SEC16B: variants seen among roughly 807,000 people sequenced by gnomAD.
SEC16B encodes the protein protein transport protein Sec16B.
Under a neutral mutation model 141.8 loss-of-function variants are expected in SEC16B, and 115 were observed. The observed-to-expected ratio is 0.81, with a 90% confidence interval of 0.70 to 0.95. The LOEUF is 0.95. Among genes scored for constraint, SEC16B ranks in the 40% least tolerant of loss-of-function variants. The pLI is 0.00. For synonymous variants in SEC16B, 493 were observed against 492.5 expected (o/e 1.00, Z -0.01); for missense variants, 1,291 against 1,312.3 (o/e 0.98, Z 0.25).
At chr1:177,959,938 C>T (rs897339894) in intron 8 of SEC16B, 4 of 224,364 alleles carry the variant, frequency 1.8e-5, no homozygotes, top group Admixed American at 1.0e-4. Flanking sequence ...TGAACACTGC[C>T]GATCTTATTT....
chr1:177,975,155 C>T (rs186133803), upstream of SEC16B, among the ~76,000 whole-genome samples: 16 of 152,304 alleles, frequency 1.1e-4, no homozygotes, highest in Admixed American at 1.0e-3. Context: ...AGAACGTGTG[C>T]TCAGAGTAAC....
rs201327166 is a variant in SEC16B, at chr1:177,967,758, C to T, written c.224G>A (p.Arg75Lys). 7.4e-6 allele frequency: 12 copies of T among 1,613,994 alleles called. No individual in the cohort carries two copies. The African/African-American group carries it at 1.2e-4, about 16-fold the overall frequency. ...DHQQQPHYAS[R>K]PGDWHQPVSG... ...CACAGGCTGATGCCAGTCCCCTGGC[C>T]TGGATGCATAATGGGGCTGCTGCTG... Residue 75 changes from arginine (R) to lysine (K), a missense_variant, in exon 2 of 26, where the codon AGG becomes AAG. By Grantham distance (26) the Arg-to-Lys change is conservative (BLOSUM62 2). This residue lies in a region of SEC16B where 681 missense variants were observed against 675.5 expected (regional missense o/e 1.01). Transcript: ENST00000308284.
intron 21 of SEC16B, 35 bp downstream of exon 21, chr1:177,933,449 A>C: frequency 6.2e-7 from 1 of 1,603,066 alleles, no homozygotes; most frequent in Non-Finnish European, 8.5e-7. Flanking sequence ...TGGCAGGGGA[A>C]GGAAGGCAGG....
At position 177,937,235 on chromosome 1, in the gene SEC16B, G is replaced by A; in HGVS notation, c.2482C>T (p.Leu828=). Residue 828 remains leucine, a synonymous_variant, in exon 19 of 26, where the codon CTG becomes TTG. Coordinates refer to ENST00000308284, the MANE Select transcript of SEC16B (RefSeq NM_033127.4). ...ATGGTVWEEM[L]QTHLGPGENT... The stretch of plus-strand genomic sequence containing the variant: ...TTACCAGGGCCCAGGTGTGTCTGCA[G>A]CATTTCCTCCCAGACTGTTCCTCCA... 1 of 1,613,136 alleles carries A rather than the reference G, an allele frequency of 6.2e-7. No homozygotes were observed. The highest frequency in any genetic ancestry group is 8.5e-7 in the Non-Finnish European group (1 of 1,179,562).
intron 1 of SEC16B, among the ~76,000 whole-genome samples, chr1:177,976,439 T>G (rs1408420168): frequency 6.6e-6 from 1 of 152,186 alleles, no homozygotes; most frequent in Non-Finnish European, 1.5e-5. Flanking sequence ...ATTCTTGGAA[T>G]GTTCTCTCAG....
chr1:177,929,567 C>T lies in SEC16B; in HGVS notation c.*291G>A. On this transcript the variant is annotated 3_prime_UTR_variant, in exon 26 of 26. Coordinates refer to ENST00000308284, the MANE Select transcript of SEC16B (RefSeq NM_033127.4). ...TAATTTCCCCAAGGCTCTCAAGCCACCACCATAAGTGCCACCACCATGTCA... is the reference window on the plus strand; with the variant it reads ...TAATTTCCCCAAGGCTCTCAAGCCATCACCATAAGTGCCACCACCATGTCA... 2.6e-6 allele frequency: 1 copy of T among 388,756 alleles called. No individual in the cohort carries two copies. Among genetic ancestry groups the T allele is most frequent in the East Asian group, 4.8e-5 (1 of 21,042 alleles). The allele number at this position is 388,756 out of a possible 1,614,324, so 24.1% of individuals were successfully genotyped here.
intron 15 of SEC16B, among the ~76,000 whole-genome samples, chr1:177,943,828 ACT>A (rs1176917062): frequency 6.6e-6 from 1 of 151,844 alleles, no homozygotes; most frequent in Non-Finnish European, 1.5e-5. Flanking sequence ...ACAAGGCACC[ACT>A]CTCATCCCAT....
Position 177,940,635 on chromosome 1 carries a change from A to T in SEC16B, c.2102T>A (p.Leu701Gln). ...SGDRDLEPDW[L>Q]AQLRRQLEQK... Reference sequence around the variant, plus strand: ...CTCCAGCTGCCTCCGAAGTTGCGCTAGCCAATCTGGCTCCAGGTCCCTGTC... The same window carrying T: ...CTCCAGCTGCCTCCGAAGTTGCGCTTGCCAATCTGGCTCCAGGTCCCTGTC... The change falls in exon 17 of 26, where the codon CTA becomes CAA. Residue 701 changes from leucine to glutamine, a missense_variant. Coordinates refer to ENST00000308284, the MANE Select transcript of SEC16B (RefSeq NM_033127.4). The T allele has an allele frequency of 6.2e-7, 1 of 1,613,858 alleles. No homozygotes were observed. The highest frequency in any genetic ancestry group is 8.5e-7 in the Non-Finnish European group (1 of 1,179,804).
rs899765998 is a variant in SEC16B, at chr1:177,937,507, G to A, written c.2210C>T (p.Thr737Ile). 6.5e-7 allele frequency: 1 copy of A among 1,542,876 alleles called. No individual in the cohort carries two copies. Among genetic ancestry groups the A allele is most frequent in the Admixed American group, 2.1e-5 (1 of 47,886 alleles). ...SGAGGTTTEN[T>I]FYQDFSGCQG... ...ACATCCAGAAAAGTCCTGGTAGAAA[G>A]TGTTTTCTAAGGACGTGGAACAAAG... is the stretch of plus-strand genomic sequence containing the variant. Residue 737 changes from threonine (T) to isoleucine (I), a missense_variant, in exon 19 of 26, where the codon ACT (threonine) becomes ATT (isoleucine). Thr to Ile is a moderately conservative substitution (Grantham distance 89). Transcript: ENST00000308284.
At chr1:177,972,590 C>T (rs1335486952), upstream of SEC16B, among the ~76,000 whole-genome samples, 2 of 152,268 alleles carry the variant, frequency 1.3e-5, no homozygotes, top group East Asian at 1.9e-4. Flanking sequence ...GCCCTGCATC[C>T]CAACTATGCA....
intron 15 of SEC16B, 78 bp downstream of exon 15, chr1:177,944,483 C>T: frequency 8.5e-7 from 1 of 1,174,914 alleles, no homozygotes; most frequent in Middle Eastern, 2.2e-4. Flanking sequence ...GTACTAAGTG[C>T]CAAAAAGCAA....
intron 22 of SEC16B, among the ~76,000 whole-genome samples, 159 bp downstream of exon 22, chr1:177,933,055 C>A (rs1650566035): frequency 6.6e-6 from 1 of 152,182 alleles, no homozygotes; most frequent in African/African-American, 2.4e-5. Context: ...TTTGCCCTCA[C>A]AGGACCCATT....
At chr1:177,940,341 G>A (rs1289490162) in intron 17 of SEC16B, among the ~76,000 whole-genome samples, 1 of 152,184 alleles carries the variant, frequency 6.6e-6, no homozygotes, top group Admixed American at 6.5e-5. Context: ...CTCAGGGAAG[G>A]ATGGCAAGAG....
At chr1:177,934,878 G>A (rs888215243) in intron 20 of SEC16B, among the ~76,000 whole-genome samples, 5 of 152,076 alleles carry the variant, frequency 3.3e-5, no homozygotes, top group Admixed American at 2.0e-4. Context: ...ACGACAACAT[G>A]GGAATGATCC....
chr1:177,958,139 C>T lies in SEC16B; in HGVS notation c.1358G>A (p.Arg453Lys), dbSNP rs1270817563. ...EKFTRLLYYG[R>K]KKEALEWAMK... is the part of the protein sequence containing the mutation. ...GGGGAAGGGCATACTTGCCTTCTTC[C>T]TTCCATAGTAGAGCAGCCTAGTGAA... The change falls in exon 10 of 26, where the codon AGG becomes AAG. Residue 453 changes from arginine (R) to lysine (K), a missense_variant. Physicochemically the swap from Arg to Lys is conservative, Grantham distance 26. This residue lies in a region of SEC16B where 681 missense variants were observed against 675.5 expected (regional missense o/e 1.01). Coordinates refer to ENST00000308284, the MANE Select transcript of SEC16B (RefSeq NM_033127.4). 1 of 1,500,602 alleles carries T rather than the reference C, an allele frequency of 6.7e-7. No homozygotes were observed. The highest frequency in any genetic ancestry group is 8.9e-7 in the Non-Finnish European group (1 of 1,120,104). 93.0% of individuals were successfully genotyped at this position (1,500,602 alleles called of 1,614,324 possible).
intron 14 of SEC16B, chr1:177,946,118 A>G (rs1290414884): frequency 3.5e-6 from 2 of 574,000 alleles, no homozygotes; most frequent in Non-Finnish European, 6.2e-6. Context: ...TTAAAGGAAC[A>G]AAGTTAGCTT....
intron 12 of SEC16B, among the ~76,000 whole-genome samples, chr1:177,950,769 G>A (rs536018282): frequency 1.5e-4 from 22 of 151,458 alleles, no homozygotes; most frequent in African/African-American, 4.9e-4. Flanking sequence ...CAGGAAAAAA[G>A]TAGGGGGAAA....
At chr1:177,982,821 T>C (rs1279657569) in intron 1 of SEC16B, among the ~76,000 whole-genome samples, 1 of 152,226 alleles carries the variant, frequency 6.6e-6, no homozygotes, top group African/African-American at 2.4e-5. Flanking sequence ...GTCAGGCTGT[T>C]GTGTCTTTGC....
chr1:177,967,632 A>G, intron 2 of SEC16B, 51 bp downstream of exon 2: 1 of 1,470,658 alleles, frequency 6.8e-7, no homozygotes, highest in Non-Finnish European at 9.1e-7. Flanking sequence ...AGAACAACCT[A>G]TTCATACGCA....
Sources: gnomAD v4.1 joint callset for allele counts (sites outside exome capture counted in the v4.1 genomes callset) on GRCh38, gnomAD v4.1.1 for gene constraint, gnomAD v4.1.1 regional missense constraint, MANE v1.5 for transcripts, NCBI Gene and HGNC (gene_info 2026-07-23, HGNC 2026-07-21) for gene names.